Variants in FGF14 observed in about 807,000 individuals in gnomAD.
FGF14 encodes fibroblast growth factor 14.
FGF14 carries 5 observed loss-of-function variants against 25.5 expected under a neutral mutation model. The ratio of observed to expected loss-of-function variants is 0.20; its 90% CI spans 0.10 to 0.41. FGF14 has a LOEUF of 0.41. Among genes scored for constraint, FGF14 ranks in the 10% least tolerant of loss-of-function variants. FGF14 has a pLI of 1.00. For missense variants in FGF14, 222 were observed against 320.1 expected (o/e 0.69, Z 2.34); for synonymous variants, 138 against 118.3 (o/e 1.17, Z -1.08).
intron 3 of FGF14, among the ~76,000 whole-genome samples, chr13:101,735,053 GC>G (rs1384354394): frequency 1.3e-5 from 2 of 152,124 alleles, no homozygotes; most frequent in East Asian, 3.9e-4. Context: ...AGCTGGGATT[GC>G]CCTCCCTCAT....
intron 3 of FGF14, among the ~76,000 whole-genome samples, chr13:101,860,045 C>T (rs916690871): frequency 7.2e-5 from 11 of 151,988 alleles, no homozygotes; most frequent in African/African-American, 2.7e-4. Context: ...TCTTGTCATG[C>T]CCTTCAACTC....
At chr13:102,117,901 A>G (rs1239204872) in intron 1 of FGF14, among the ~76,000 whole-genome samples, 1 of 152,198 alleles carries the variant, frequency 6.6e-6, no homozygotes, top group East Asian at 1.9e-4. Context: ...AGAAAGAAAA[A>G]TGGGCAGAGA....
intron 1 of FGF14, among the ~76,000 whole-genome samples, chr13:102,185,773 CA>C (rs1445765025): frequency 6.6e-6 from 1 of 152,154 alleles, no homozygotes; most frequent in Admixed American, 6.5e-5. Context: ...ACAATTCACT[CA>C]GTCCCTTGGC....
chr13:101,813,657 T>A (rs2041690820), intron 3 of FGF14, among the ~76,000 whole-genome samples: 1 of 151,738 alleles, frequency 6.6e-6, no homozygotes, highest in Non-Finnish European at 1.5e-5. Flanking sequence ...TATTTGAACC[T>A]CAAACAGTGT....
chr13:101,877,454 C>A (rs1282816717), intron 1 of FGF14, among the ~76,000 whole-genome samples: 2 of 151,980 alleles, frequency 1.3e-5, no homozygotes, highest in Non-Finnish European at 2.9e-5. Context: ...ATGAAGAAAT[C>A]GAGACACAGA....
intron 1 of FGF14, among the ~76,000 whole-genome samples, chr13:102,206,119 C>G (rs1465380226): frequency 8.1e-6 from 1 of 123,220 alleles, no homozygotes; most frequent in African/African-American, 3.5e-5. Context: ...TCACACTAGT[C>G]AACCTTCAAA....
intron 1 of FGF14, among the ~76,000 whole-genome samples, chr13:102,311,299 G>T (rs1282557103): frequency 6.6e-6 from 1 of 152,098 alleles, no homozygotes; most frequent in African/African-American, 2.4e-5. Context: ...TGGGCCCTGG[G>T]GAGTTGAGCT....
At chr13:102,372,775 C>A (rs2057924794) in intron 1 of FGF14, among the ~76,000 whole-genome samples, 1 of 152,028 alleles carries the variant, frequency 6.6e-6, no homozygotes, top group Non-Finnish European at 1.5e-5. Flanking sequence ...TGTAGTCTGC[C>A]CAGCAATGCT....
chr13:101,900,203 A>T (rs182729184), intron 1 of FGF14, among the ~76,000 whole-genome samples: 2,215 of 152,300 alleles, frequency 0.015, 23 homozygotes, highest in Middle Eastern at 0.045. Flanking sequence ...CTACAGGTAA[A>T]TTTACCATTT....
intron 1 of FGF14, among the ~76,000 whole-genome samples, chr13:102,067,208 G>C (rs777277673): frequency 1.3e-5 from 2 of 152,138 alleles, no homozygotes; most frequent in African/African-American, 4.8e-5. Context: ...TTTGGGAATT[G>C]TCAATTATTT....
rs985442651 is a variant in FGF14 at position 102,152,557 on chromosome 13, T to C, written c.208+248914A>G. 2.0e-5 allele frequency among the ~76,000 whole-genome samples: 3 copies of C among 152,162 alleles called. No homozygotes were observed. The South Asian group carries it at 6.2e-4, about 32-fold the overall frequency. On this transcript the variant is annotated intron_variant, in intron 1 of 4. Coordinates refer to the FGF14 transcript ENST00000376131. ...CTTAATACCTATCTCCGAATACAGTTGCATTTTGGAGTATAGGGAGTGAGG... is the reference window on the plus strand; with the variant it reads ...CTTAATACCTATCTCCGAATACAGTCGCATTTTGGAGTATAGGGAGTGAGG...
At chr13:101,768,558 C>A (rs1176992628) in intron 3 of FGF14, among the ~76,000 whole-genome samples, 1 of 152,072 alleles carries the variant, frequency 6.6e-6, no homozygotes, top group African/African-American at 2.4e-5. Flanking sequence ...CACTACCCAA[C>A]CTCAAGACTC....
intron 1 of FGF14, among the ~76,000 whole-genome samples, chr13:102,381,883 A>C (rs2058191034): frequency 6.6e-6 from 1 of 152,224 alleles, no homozygotes; most frequent in South Asian, 2.1e-4. Flanking sequence ...TCAATTCAAA[A>C]TGAGATTTAC....
chr13:101,738,869 A>T (rs2036351787), intron 3 of FGF14, among the ~76,000 whole-genome samples: 1 of 151,208 alleles, frequency 6.6e-6, no homozygotes. Flanking sequence ...ACCCACACAC[A>T]CACACACATA....
intron 3 of FGF14, among the ~76,000 whole-genome samples, chr13:101,850,641 A>G (rs920915488): frequency 4.2e-5 from 6 of 141,374 alleles, no homozygotes; most frequent in Non-Finnish European, 7.7e-5. Context: ...AGAAATGGAT[A>G]TATACATTCT....
chr13:102,319,189 G>A (rs2056149485), intron 1 of FGF14, among the ~76,000 whole-genome samples: 1 of 152,174 alleles, frequency 6.6e-6, no homozygotes, highest in Non-Finnish European at 1.5e-5. Context: ...TGTCATATGA[G>A]AGTCCCTGAG....
intron 1 of FGF14, among the ~76,000 whole-genome samples, chr13:102,319,897 G>A (rs574829569): frequency 2.0e-5 from 3 of 152,178 alleles, no homozygotes; most frequent in East Asian, 3.9e-4. Context: ...TCATATATAT[G>A]CACATGCATA....
intron 1 of FGF14, among the ~76,000 whole-genome samples, chr13:102,148,524 G>A (rs2046946586): frequency 6.6e-6 from 1 of 152,056 alleles, no homozygotes; most frequent in African/African-American, 2.4e-5. Flanking sequence ...AAATACATTC[G>A]ATGGCCAGGC....
At chr13:101,936,762 G>A (rs2035132968) in intron 1 of FGF14, among the ~76,000 whole-genome samples, 1 of 152,126 alleles carries the variant, frequency 6.6e-6, no homozygotes, top group African/African-American at 2.4e-5. Flanking sequence ...GGCGTATATT[G>A]TCAATAATAT....
Sources: gnomAD v4.1 joint callset for allele counts (sites outside exome capture counted in the v4.1 genomes callset) on GRCh38, gnomAD v4.1.1 for gene constraint, MANE v1.5 for transcripts, NCBI Gene and HGNC (gene_info 2026-07-23, HGNC 2026-07-21) for gene names.